Variants in THRB observed in about 807,000 individuals in gnomAD.
THRB encodes nuclear receptor subfamily 1 group A member 2.
A neutral mutation model predicts 47.8 loss-of-function variants in THRB; 12 were observed. The observed-to-expected ratio is 0.25, with a 90% CI of 0.16 to 0.41. THRB has a LOEUF of 0.41. THRB is among the 10% of genes least tolerant of loss of function. THRB has a pLI of 1.00. For synonymous variants in THRB, 218 were observed against 212.2 expected (o/e 1.03, Z -0.24); for missense variants, 348 against 589.2 (o/e 0.59, Z 4.24).
intron 1 of THRB, among the ~76,000 whole-genome samples, chr3:24,488,713 A>G (rs149526683): frequency 3.5e-4 from 53 of 152,334 alleles, no homozygotes; most frequent in African/African-American, 1.3e-3. Flanking sequence ...CTAAAAGAAT[A>G]TACTTCAAGA....
chr3:24,251,048 T>C (rs192429965), intron 3 of THRB, among the ~76,000 whole-genome samples: 4 of 151,406 alleles, frequency 2.6e-5, no homozygotes, highest in Admixed American at 2.6e-4. Context: ...ATCAGACACA[T>C]AAAAAAAGAA....
At chr3:24,469,161 A>T (rs1408849800) in intron 1 of THRB, among the ~76,000 whole-genome samples, 1 of 152,186 alleles carries the variant, frequency 6.6e-6, no homozygotes, top group East Asian at 1.9e-4. Context: ...AATGTGTCAT[A>T]GAAAACAGGG....
At chr3:24,364,164 A>G (rs1470689542) in intron 1 of THRB, among the ~76,000 whole-genome samples, 1 of 152,190 alleles carries the variant, frequency 6.6e-6, no homozygotes, top group African/African-American at 2.4e-5. Flanking sequence ...AATATGGAAA[A>G]GCATATGGTG....
At chr3:24,359,128 C>G (rs1047093320) in intron 1 of THRB, among the ~76,000 whole-genome samples, 1 of 152,068 alleles carries the variant, frequency 6.6e-6, no homozygotes, top group African/African-American at 2.4e-5. Context: ...GTCCAGAATT[C>G]AAGCAGGGCT....
At chr3:24,477,085 GGTGT>G (rs71855335) in intron 1 of THRB, among the ~76,000 whole-genome samples, 4,116 of 137,560 alleles carry the variant, frequency 0.03, 94 homozygotes, top group South Asian at 0.096. Context: ...CATATAAAGG[GGTGT>G]GTGTGTGTGT....
chr3:24,190,194 A>G lies in THRB; in HGVS notation c.163T>C (p.Ser55Pro). The G allele has an allele frequency of 6.2e-7, 1 of 1,614,078 alleles. No individual in the cohort carries two copies. The highest frequency in any genetic ancestry group is 8.5e-7 in the Non-Finnish European group (1 of 1,179,974). ...CAAGTGGTCTGGATGAGATGTGGCG[A>G]CGACTGTTCATTTTTCAACGTGCTG... ...RRSTLKNEQS[S>P]PHLIQTTWTS... The change falls in exon 5 of 11, where the codon TCG becomes CCG. Residue 55 changes from serine to proline, a missense_variant. This residue lies in a region of THRB where 148 missense variants were observed against 122.3 expected (regional missense o/e 1.21). Transcript: ENST00000646209.
intron 1 of THRB, among the ~76,000 whole-genome samples, chr3:24,446,194 G>A (rs575084952): frequency 6.6e-6 from 1 of 152,270 alleles, no homozygotes; most frequent in South Asian, 2.1e-4. Flanking sequence ...AAGGATGTAA[G>A]GAAGCCTTCG....
At chr3:24,407,552 C>T (rs2067930479) in intron 1 of THRB, among the ~76,000 whole-genome samples, 2 of 151,778 alleles carry the variant, frequency 1.3e-5, no homozygotes, top group African/African-American at 2.4e-5. Context: ...AAATAATTAG[C>T]TGATTTCAGT....
At chr3:24,289,210 G>C (rs910333860) in intron 3 of THRB, among the ~76,000 whole-genome samples, 9 of 152,150 alleles carry the variant, frequency 5.9e-5, no homozygotes, top group Non-Finnish European at 1.3e-4. Flanking sequence ...TTAAAGAAAT[G>C]AAACACGTAG....
intron 4 of THRB, among the ~76,000 whole-genome samples, chr3:24,205,784 C>A (rs1477956848): frequency 1.3e-5 from 2 of 151,840 alleles, no homozygotes; most frequent in African/African-American, 2.4e-5. Flanking sequence ...CACATAGGCT[C>A]AAAGTAAAGG....
At chr3:24,300,126 T>C (rs777270420) in intron 2 of THRB, among the ~76,000 whole-genome samples, 1 of 152,140 alleles carries the variant, frequency 6.6e-6, no homozygotes, top group Non-Finnish European at 1.5e-5. Flanking sequence ...ATTTAGCATA[T>C]ACTCACAGGC....
chr3:24,403,130 A>G (rs899718244), intron 1 of THRB, among the ~76,000 whole-genome samples: 3 of 152,078 alleles, frequency 2.0e-5, no homozygotes, highest in Non-Finnish European at 4.4e-5. Context: ...ACAGAATGTC[A>G]TAACATTGAG....
intron 1 of THRB, among the ~76,000 whole-genome samples, chr3:24,358,374 T>C (rs1044093793): frequency 1.3e-5 from 2 of 151,376 alleles, no homozygotes; most frequent in Non-Finnish European, 2.9e-5. Context: ...TCCAGAGTTA[T>C]TTTTAAAAAC....
intron 3 of THRB, among the ~76,000 whole-genome samples, chr3:24,253,800 A>G (rs76839948): frequency 0.037 from 5,641 of 152,216 alleles, 339 homozygotes; most frequent in African/African-American, 0.13. Flanking sequence ...GTAGATGATC[A>G]GTTCAGATCT....
intron 4 of THRB, among the ~76,000 whole-genome samples, chr3:24,206,370 T>C (rs1389554268): frequency 6.6e-6 from 1 of 152,138 alleles, no homozygotes; most frequent in Non-Finnish European, 1.5e-5. Flanking sequence ...CTCAACTACA[T>C]GGAAACTGAA....
At chr3:24,178,096 T>C (rs536285605) in intron 5 of THRB, among the ~76,000 whole-genome samples, 33 of 152,298 alleles carry the variant, frequency 2.2e-4, no homozygotes, top group African/African-American at 6.7e-4. Flanking sequence ...CATTCACCTT[T>C]AGAGCATTGA....
In THRB at chr3:24,120,968, T is replaced by C. The variant is rs993641707; in HGVS notation, c.*1916A>G. On this transcript the variant is annotated 3_prime_UTR_variant, in exon 11 of 11. Coordinates refer to ENST00000646209, the MANE Select transcript of THRB (RefSeq NM_001354712.2). ...ATCATACTTGGAATTTTCAGTGCTG[T>C]TCCTCTTCTTTTTCCAAGGCCTCTA... is the stretch of plus-strand genomic sequence containing the variant. The C allele has an allele frequency of 6.6e-6, 1 of 152,220 alleles. No individual in the cohort carries two copies. The highest frequency in any genetic ancestry group is 1.5e-5 in the Non-Finnish European group (1 of 68,042). 9.4% of individuals were successfully genotyped at this position (152,220 alleles called of 1,614,324 possible).
chr3:24,478,498 A>C (rs1164373146), intron 1 of THRB, among the ~76,000 whole-genome samples: 1 of 152,236 alleles, frequency 6.6e-6, no homozygotes, highest in Non-Finnish European at 1.5e-5. Context: ...AACCTTTAAA[A>C]AGGAGGCAGA....
At chr3:24,403,347 C>T (rs1214280152) in intron 1 of THRB, among the ~76,000 whole-genome samples, 1 of 151,878 alleles carries the variant, frequency 6.6e-6, no homozygotes. Flanking sequence ...TTAGCTGGAT[C>T]CATAATATTA....
Sources: gnomAD v4.1 joint callset for allele counts (sites outside exome capture counted in the v4.1 genomes callset) on GRCh38, gnomAD v4.1.1 for gene constraint, gnomAD v4.1.1 regional missense constraint, MANE v1.5 for transcripts, NCBI Gene and HGNC (gene_info 2026-07-23, HGNC 2026-07-21) for gene names.